ILDR1: variants seen among roughly 807,000 people sequenced by gnomAD.
ILDR1 encodes the protein immunoglobulin like domain containing receptor 1.
ILDR1 carries 56 observed loss-of-function variants against 62.4 expected under a neutral mutation model. The observed-to-expected ratio is 0.90, with a 90% CI of 0.72 to 1.12. The LOEUF (loss-of-function observed/expected upper bound fraction) is 1.12, where lower values mean the gene tolerates loss of function less well. Among genes scored for constraint, ILDR1 ranks in the 50% most tolerant of loss-of-function variants. The pLI is 0.00. For missense variants in ILDR1, 736 were observed against 710.6 expected, an observed-to-expected ratio of 1.04 and a Z score of -0.41; for synonymous variants, 284 against 277.8, an observed-to-expected ratio of 1.02 and a Z score of -0.22.
chr3:122,009,324 AACACACACACACACACACACAC>A (rs60284951), intron 1 of ILDR1, among the ~76,000 whole-genome samples: 1 of 137,812 alleles, frequency 7.3e-6, no homozygotes, highest in Non-Finnish European at 1.6e-5. Context: ...CTCAATTTAA[AACACACACACACACACACACAC>A]ACACACACAC....
At chr3:121,989,682 A>C (rs2071310162) in intron 7 of ILDR1, among the ~76,000 whole-genome samples, 1 of 152,184 alleles carries the variant, frequency 6.6e-6, no homozygotes, top group Non-Finnish European at 1.5e-5. Flanking sequence ...GCTTCAGTGG[A>C]GTGAAAACGC....
At chr3:122,060,756 G>A in the ILDR1 span, among the ~76,000 whole-genome samples, 1 of 152,118 alleles carries the variant, frequency 6.6e-6, no homozygotes, top group Non-Finnish European at 1.5e-5. Flanking sequence ...TTACATGTTG[G>A]ATTTTGAGTG....
At chr3:122,046,058 G>A in the ILDR1 span, among the ~76,000 whole-genome samples, 146 of 148,064 alleles carry the variant, frequency 9.9e-4, no homozygotes, top group Middle Eastern at 3.5e-3. Flanking sequence ...GGCTGGTACC[G>A]GTTGTTCCTT....
At chr3:122,042,066 C>A in the ILDR1 span, among the ~76,000 whole-genome samples, 1 of 105,618 alleles carries the variant, frequency 9.5e-6, no homozygotes, top group Non-Finnish European at 1.9e-5. Context: ...TCCCTCCCCC[C>A]TCCCCCCACC....
Position 121,993,221 on chromosome 3 carries a change from GCGGCTTCTCCT to G in ILDR1, c.1517_1527del (p.Glu506AlafsTer2). 1.2e-6 allele frequency: 2 copies of G among 1,614,044 alleles called. No homozygotes were observed. The highest frequency in any genetic ancestry group is 8.5e-7 in the Non-Finnish European group (1 of 1,179,964). On this transcript the variant is annotated frameshift_variant, in exon 7 of 8. Transcript: ENST00000344209. LOFTEE classifies it high-confidence loss of function. ...GTGATATCAAGTGAGCGGTAGCTAG[GCGGCTTCTCCT>G]CGGGCCAGTGTGGGGAGTGCGAGCC...
chr3:122,010,090 GA>G (rs1242605399), intron 1 of ILDR1, among the ~76,000 whole-genome samples: 11 of 151,400 alleles, frequency 7.3e-5, no homozygotes, highest in Admixed American at 1.3e-4. Flanking sequence ...TGAGAAGTAG[GA>G]AGAAGGCAGA....
intron 1 of ILDR1, 65 bp downstream of exon 1, chr3:122,021,955 G>A (rs569545099): frequency 2.0e-6 from 3 of 1,507,330 alleles, no homozygotes; most frequent in African/African-American, 2.8e-5. Flanking sequence ...AGCTCTGCAA[G>A]GCCACGCCAC....
chr3:122,015,077 C>A (rs919416085), intron 1 of ILDR1, among the ~76,000 whole-genome samples: 4 of 152,184 alleles, frequency 2.6e-5, no homozygotes, highest in Non-Finnish European at 5.9e-5. Flanking sequence ...GTAGGAGAGT[C>A]AATGATAAAC....
the ILDR1 span, among the ~76,000 whole-genome samples, chr3:122,057,391 T>G: frequency 1.3e-5 from 2 of 152,244 alleles, no homozygotes; most frequent in Non-Finnish European, 2.9e-5. Flanking sequence ...GGAACATCCA[T>G]AATGGAATAC....
rs1176367207 is a variant in ILDR1, at chr3:121,994,126, A to C, written c.778+56T>G. On this transcript the variant is annotated intron_variant, in intron 6 of 7. Coordinates refer to ENST00000344209, the MANE Select transcript of ILDR1 (RefSeq NM_001199799.2). ...GGTCACAGAGGTCTTGATGTAGCCC[A>C]TGTTCCCGCCCTTGCCCTCTGCCCT... 1.5e-5 allele frequency: 23 copies of C among 1,531,194 alleles called. No homozygotes were observed. In the East Asian group the frequency reaches 4.6e-4, roughly 31 times the overall value. The allele number at this position is 1,531,194 out of a possible 1,614,324, so 94.9% of individuals were successfully genotyped here.
the ILDR1 span, among the ~76,000 whole-genome samples, chr3:122,047,207 G>A: frequency 1.3e-5 from 2 of 151,350 alleles, no homozygotes; most frequent in Admixed American, 6.6e-5. Flanking sequence ...CCCTGCTGGG[G>A]GGTGCCTCCC....
intron 1 of ILDR1, among the ~76,000 whole-genome samples, chr3:122,011,212 T>C (rs2071697588): frequency 6.6e-6 from 1 of 152,166 alleles, no homozygotes; most frequent in Non-Finnish European, 1.5e-5. Flanking sequence ...ATCAACACTC[T>C]AGTCAATATC....
intron 7 of ILDR1, among the ~76,000 whole-genome samples, chr3:121,990,332 C>A (rs1330509261): frequency 6.6e-6 from 1 of 152,262 alleles, no homozygotes; most frequent in African/African-American, 2.4e-5. Flanking sequence ...TCCTGGGCCT[C>A]TGCTCACTGT....
chr3:122,000,421 T>C (rs1350926745), intron 5 of ILDR1, among the ~76,000 whole-genome samples: 1 of 152,220 alleles, frequency 6.6e-6, no homozygotes, highest in African/African-American at 2.4e-5. Context: ...AGGAGCTTCC[T>C]GGCTGCTGAA....
intron 1 of ILDR1, among the ~76,000 whole-genome samples, chr3:122,012,201 C>T (rs181363961): frequency 6.6e-6 from 1 of 152,274 alleles, no homozygotes; most frequent in Non-Finnish European, 1.5e-5. Flanking sequence ...CAAGAAAGGA[C>T]CCAAAGCAGC....
chr3:122,021,138 G>A (rs1033162234), intron 1 of ILDR1, among the ~76,000 whole-genome samples: 12 of 152,118 alleles, frequency 7.9e-5, no homozygotes, highest in African/African-American at 2.9e-4. Flanking sequence ...ACAACTTAGA[G>A]GTAAGAGGGC....
At chr3:122,057,129 G>A in the ILDR1 span, among the ~76,000 whole-genome samples, 2 of 152,172 alleles carry the variant, frequency 1.3e-5, no homozygotes, top group Admixed American at 6.5e-5. Context: ...AAGAAGGGAG[G>A]ATTATTTGTA....
chr3:122,044,748 G>A, the ILDR1 span, among the ~76,000 whole-genome samples: 36 of 151,988 alleles, frequency 2.4e-4, no homozygotes, highest in Non-Finnish European at 4.9e-4. Flanking sequence ...GTATTTCTGT[G>A]GGATTGGTGG....
chr3:122,022,914 A>AAAAT (rs59901956), upstream of ILDR1, among the ~76,000 whole-genome samples: 19,515 of 143,206 alleles, frequency 0.14, 2,112 homozygotes, highest in East Asian at 0.46. Context: ...CTCGGTCTCG[A>AAAAT]AAATAAATAA....
Sources: gnomAD v4.1 joint callset for allele counts (sites outside exome capture counted in the v4.1 genomes callset) on GRCh38, gnomAD v4.1.1 for gene constraint, MANE v1.5 for transcripts, NCBI Gene and HGNC (gene_info 2026-07-23, HGNC 2026-07-21) for gene names.